PVT1: variants seen among roughly 807,000 people sequenced by gnomAD.
The protein encoded by PVT1 is CXCR4/PVT1 fusion.
intron 2 of PVT1, among the ~76,000 whole-genome samples, chr8:127,828,790 G>A (rs1814819290): frequency 6.6e-6 from 1 of 151,954 alleles, no homozygotes; most frequent in African/African-American, 2.4e-5. Flanking sequence ...TCTTTGCACG[G>A]GATGGAAAGC....
chr8:127,992,295 A>G (rs917133165), intron 4 of PVT1, among the ~76,000 whole-genome samples: 2 of 152,228 alleles, frequency 1.3e-5, no homozygotes, highest in African/African-American at 4.8e-5. Context: ...CTTAGGCACA[A>G]GAGTCACTTG....
intron 3 of PVT1, among the ~76,000 whole-genome samples, chr8:127,952,489 G>C (rs1367153438): frequency 6.6e-6 from 1 of 152,230 alleles, no homozygotes; most frequent in Non-Finnish European, 1.5e-5. Flanking sequence ...CCTGTTTCCA[G>C]ACCCCTGGTT....
At chr8:128,059,679 T>A (rs1342057499) in intron 4 of PVT1, among the ~76,000 whole-genome samples, 1 of 152,216 alleles carries the variant, frequency 6.6e-6, no homozygotes, top group African/African-American at 2.4e-5. Flanking sequence ...TCTGGCACTT[T>A]ATAGGAAGAG....
intron 4 of PVT1, among the ~76,000 whole-genome samples, chr8:128,044,289 GTTTA>G (rs989565204): frequency 2.6e-5 from 4 of 151,546 alleles, no homozygotes; most frequent in South Asian, 2.1e-4. Flanking sequence ...ATAGTTACTT[GTTTA>G]TTTGTTTGTT....
At chr8:127,961,349 A>T (rs1426770696) in intron 3 of PVT1, among the ~76,000 whole-genome samples, 1 of 152,182 alleles carries the variant, frequency 6.6e-6, no homozygotes, top group Admixed American at 6.5e-5. Context: ...GACCCAAGAG[A>T]GAAGTCCCTG....
chr8:128,055,454 A>G (rs1813751755), intron 4 of PVT1, among the ~76,000 whole-genome samples: 1 of 152,236 alleles, frequency 6.6e-6, no homozygotes, highest in Non-Finnish European at 1.5e-5. Context: ...AAACAAGACA[A>G]TGAATGTAAT....
At chr8:127,924,033 T>C (rs980923271) in intron 3 of PVT1, among the ~76,000 whole-genome samples, 5 of 152,182 alleles carry the variant, frequency 3.3e-5, no homozygotes, top group Non-Finnish European at 5.9e-5. Flanking sequence ...CCCTCTGGCA[T>C]GGTGTTGGAG....
At chr8:127,892,591 A>G (rs916950283) in intron 3 of PVT1, among the ~76,000 whole-genome samples, 2 of 152,174 alleles carry the variant, frequency 1.3e-5, no homozygotes, top group African/African-American at 4.8e-5. Flanking sequence ...AAGGTTATTT[A>G]TCCAGGAGAA....
intron 2 of PVT1, among the ~76,000 whole-genome samples, chr8:127,873,984 A>G (rs1179194109): frequency 6.6e-6 from 1 of 152,234 alleles, no homozygotes; most frequent in Non-Finnish European, 1.5e-5. Flanking sequence ...CAAGCACCCT[A>G]TATCTGGGAG....
chr8:127,886,458 A>T (rs1815525525), intron 2 of PVT1, among the ~76,000 whole-genome samples: 1 of 152,108 alleles, frequency 6.6e-6, no homozygotes, highest in Admixed American at 6.5e-5. Context: ...CATGTCTGTT[A>T]GGCTTTTTGA....
chr8:127,991,009 C>CT (rs1817031206), intron 4 of PVT1, among the ~76,000 whole-genome samples: 1 of 152,140 alleles, frequency 6.6e-6, no homozygotes, highest in Non-Finnish European at 1.5e-5. Flanking sequence ...AGCTCAGCAC[C>CT]TTTGTGCATT....
intron 2 of PVT1, among the ~76,000 whole-genome samples, chr8:127,806,491 A>T (rs1023228803): frequency 2.0e-5 from 3 of 152,260 alleles, no homozygotes; most frequent in Non-Finnish European, 4.4e-5. Context: ...AGTGGATGAT[A>T]AATGTGAAAA....
chr8:127,813,567 C>T (rs1424126879), intron 2 of PVT1, among the ~76,000 whole-genome samples: 1 of 152,146 alleles, frequency 6.6e-6, no homozygotes, highest in African/African-American at 2.4e-5. Flanking sequence ...TGTCTCCTCC[C>T]ACTCTAATAA....
intron 5 of PVT1, among the ~76,000 whole-genome samples, chr8:128,072,440 TC>T (rs1814009552): frequency 6.6e-6 from 1 of 152,196 alleles, no homozygotes; most frequent in East Asian, 1.9e-4. Context: ...TTATAGTTCC[TC>T]CCAGCAAGGA....
chr8:128,047,057 C>G (rs1283027325), intron 4 of PVT1, among the ~76,000 whole-genome samples: 1 of 152,224 alleles, frequency 6.6e-6, no homozygotes, highest in Non-Finnish European at 1.5e-5. Flanking sequence ...CTCTCTTTAT[C>G]TTTTGACTAT....
chr8:127,937,574 C>CAGAGAGAGAGAGAGAGAGAG (rs1403061270), intron 3 of PVT1, among the ~76,000 whole-genome samples: 22 of 96,290 alleles, frequency 2.3e-4, no homozygotes, highest in African/African-American at 7.0e-4. Context: ...CACACACACA[C>CAGAGAGAGAGAGAGAGAGAG]ACACACAGAG....
At chr8:127,839,596 A>G (rs71520684) in intron 2 of PVT1, among the ~76,000 whole-genome samples, 6 of 151,074 alleles carry the variant, frequency 4.0e-5, no homozygotes, top group African/African-American at 2.4e-5. Context: ...AAAAAAAAAT[A>G]AATAAAATAA....
At chr8:128,004,389 T>C (rs1449599592) in intron 4 of PVT1, among the ~76,000 whole-genome samples, 3 of 152,152 alleles carry the variant, frequency 2.0e-5, no homozygotes, top group African/African-American at 4.8e-5. Flanking sequence ...TGCCAGCACT[T>C]CTTCACCTTT....
At chr8:127,799,444 C>T (rs1814437163) in intron 2 of PVT1, among the ~76,000 whole-genome samples, 1 of 152,130 alleles carries the variant, frequency 6.6e-6, no homozygotes, top group Non-Finnish European at 1.5e-5. Context: ...ACTGCTTTGT[C>T]TTCAAGGAAA....
Sources: gnomAD v4.1 joint callset for allele counts (sites outside exome capture counted in the v4.1 genomes callset) on GRCh38, gnomAD v4.1.1 for gene constraint, MANE v1.5 for transcripts, NCBI Gene and HGNC (gene_info 2026-07-23, HGNC 2026-07-21) for gene names.